PLXNA2: variants seen among roughly 807,000 people sequenced by gnomAD.
PLXNA2 encodes plexin-A2.
PLXNA2 carries 91 observed loss-of-function variants against 193.5 expected under a neutral mutation model. The observed-to-expected ratio is 0.47, with a 90% CI of 0.40 to 0.56. The LOEUF is 0.56. PLXNA2 is among the 20% of genes least tolerant of loss of function. The pLI is 0.00. For synonymous variants in PLXNA2, 997 were observed against 1,027.3 expected, an observed-to-expected ratio of 0.97 and a Z score of 0.56; for missense variants, 1,995 against 2,503.2, an observed-to-expected ratio of 0.80 and a Z score of 4.33.
intron 4 of PLXNA2, among the ~76,000 whole-genome samples, chr1:208,138,457 A>T (rs1437457328): frequency 6.6e-6 from 1 of 152,222 alleles, no homozygotes; most frequent in East Asian, 1.9e-4. Context: ...CTTGAGTAGG[A>T]GGCAACCCCA....
intron 3 of PLXNA2, among the ~76,000 whole-genome samples, chr1:208,203,312 A>G (rs1171034144): frequency 6.6e-6 from 1 of 152,062 alleles, no homozygotes; most frequent in Non-Finnish European, 1.5e-5. Context: ...CACCCCTTCC[A>G]TGCAGGCTCT....
intron 28 of PLXNA2, among the ~76,000 whole-genome samples, chr1:208,032,479 T>C (rs1664533159): frequency 6.6e-6 from 1 of 152,228 alleles, no homozygotes; most frequent in Admixed American, 6.5e-5. Context: ...ACATGGGGTC[T>C]CGTGGAATAT....
At chr1:208,114,552 AGTAG>A (rs758007446) in intron 4 of PLXNA2, among the ~76,000 whole-genome samples, 6 of 152,242 alleles carry the variant, frequency 3.9e-5, no homozygotes, top group Non-Finnish European at 8.8e-5. Flanking sequence ...TATGACTCTG[AGTAG>A]GTAAGAAGCC....
At chr1:208,199,967 T>C (rs7525987) in intron 3 of PLXNA2, among the ~76,000 whole-genome samples, 70,714 of 152,176 alleles carry the variant, frequency 0.46, 16,621 homozygotes, top group East Asian at 0.7. Context: ...TTGATCTTGC[T>C]TGATAGCGTC....
At chr1:208,039,821 G>A (rs778771815) in intron 23 of PLXNA2, 54 bp from the exon 24 acceptor site, 32 of 1,611,108 alleles carry the variant, frequency 2.0e-5, no homozygotes, top group East Asian at 8.9e-5. Flanking sequence ...AGGTTTGTAC[G>A]TTTTCCCTTT....
chr1:208,237,478 G>T (rs2102648427), intron 1 of PLXNA2, among the ~76,000 whole-genome samples: 1 of 152,270 alleles, frequency 6.6e-6, no homozygotes, highest in East Asian at 1.9e-4. Flanking sequence ...AAAATCCTTG[G>T]GAGTGTGCAC....
rs760375488 is a variant in PLXNA2, at chr1:208,042,228, C to T, written c.4156G>A (p.Val1386Met). The T allele has an allele frequency of 4.3e-6, 7 of 1,614,112 alleles. No individual in the cohort carries two copies. Among genetic ancestry groups the T allele is most frequent in the East Asian group, 2.2e-5 (1 of 44,896 alleles). ...RSFSMRDRGN[V>M]ASLIMTGLQG... is the part of the protein sequence containing the mutation. ...AGGCCGGTCATGATGAGCGAAGCCA[C>T]GTTGCCCCGGTCGCGCATGGAGAAA... The change falls in exon 22 of 32, where the codon GTG becomes ATG. Residue 1386 changes from valine to methionine, a missense_variant. Physicochemically the swap from Val to Met is conservative, Grantham distance 21 (BLOSUM62 1). Coordinates refer to ENST00000367033, the MANE Select transcript of PLXNA2 (RefSeq NM_025179.4).
In PLXNA2 at chr1:208,028,220, C is replaced by T. The variant is rs367574051; in HGVS notation, c.5439-61G>A. On this transcript the variant is annotated intron_variant, in intron 30 of 31. Transcript: ENST00000367033. This position sits in a 1 kb window ranked among gnomAD's most constrained non-coding sequence, Gnocchi z 4.2. ...TCAGCAAACATTTACCTATAGCTAC[C>T]CCGGGCCCAGGTCCTTCGAGGGCAC... 6.0e-6 allele frequency: 9 copies of T among 1,506,416 alleles called. No homozygotes were observed. The East Asian group carries it at 9.6e-5, about 16-fold the overall frequency. 93.3% of individuals were successfully genotyped at this position (1,506,416 alleles called of 1,614,324 possible).
chr1:208,044,616 C>T lies in PLXNA2; in HGVS notation c.3766G>A (p.Val1256Ile), dbSNP rs775088776. ...GACTTGCGCTTGTAGGCAATGAGGA[C>T]GATGATGACGATGATGAGGAGGAGG... is the stretch of plus-strand genomic sequence containing the variant. ...GSLLLIIVIIVLIAYKRKSRE... is the reference protein window; with the variant it reads ...GSLLLIIVIIILIAYKRKSRE... Residue 1256 changes from valine to isoleucine, a missense_variant, in exon 20 of 32, where the codon GTC (valine) becomes ATC (isoleucine). Transcript: ENST00000367033. The surrounding 1 kb of genome is among the most constrained non-coding windows in gnomAD (Gnocchi z 4.9). 5.9e-5 allele frequency: 96 copies of T among 1,613,886 alleles called. No homozygotes were observed. The Middle Eastern group carries it at 6.6e-4, about 11-fold the overall frequency.
chr1:208,078,256 C>G (rs1368090114), intron 12 of PLXNA2, among the ~76,000 whole-genome samples: 9 of 152,132 alleles, frequency 5.9e-5, no homozygotes, highest in Non-Finnish European at 1.0e-4. Flanking sequence ...TTCAAATAAC[C>G]TATCTGTAGG....
Position 208,214,100 on chromosome 1 carries a change from G to A in PLXNA2, c.1188+2635C>T, listed in dbSNP as rs73079949. On this transcript the variant is annotated intron_variant, in intron 2 of 31. Coordinates refer to ENST00000367033, the MANE Select transcript of PLXNA2 (RefSeq NM_025179.4). ...CTCTCCACCTCTCCACATTGGTTAC[G>A]GCCAGTGGCCATAAAATTTTGGCGT... Among the ~76,000 whole-genome samples the A allele has an allele frequency of 9.2e-5, 14 of 151,706 alleles. No individual in the cohort carries two copies. In the East Asian group the frequency reaches 1.8e-3, roughly 19 times the overall value.
chr1:208,195,611 C>G (rs1670331147), intron 3 of PLXNA2, among the ~76,000 whole-genome samples: 1 of 133,724 alleles, frequency 7.5e-6, no homozygotes, highest in Admixed American at 8.6e-5. Context: ...TTCTGTGAAG[C>G]TTTTTCCAGA....
intron 4 of PLXNA2, among the ~76,000 whole-genome samples, chr1:208,110,229 C>G (rs990546981): frequency 6.6e-6 from 1 of 152,244 alleles, no homozygotes; most frequent in East Asian, 1.9e-4. Flanking sequence ...ACTCCATCCC[C>G]TTTGGCTCAG....
At chr1:208,178,728 T>C (rs774358610) in intron 3 of PLXNA2, among the ~76,000 whole-genome samples, 2 of 152,174 alleles carry the variant, frequency 1.3e-5, no homozygotes, top group Non-Finnish European at 2.9e-5. Context: ...AACTCACCCT[T>C]AGGGGAGTGG....
intron 3 of PLXNA2, among the ~76,000 whole-genome samples, chr1:208,145,461 C>T (rs946203478): frequency 6.6e-6 from 1 of 152,240 alleles, no homozygotes; most frequent in African/African-American, 2.4e-5. Flanking sequence ...TGTTTTCATG[C>T]TAATGGCACT....
chr1:208,088,852 A>C (rs1666621985), intron 9 of PLXNA2, among the ~76,000 whole-genome samples: 1 of 152,186 alleles, frequency 6.6e-6, no homozygotes, highest in Non-Finnish European at 1.5e-5. Flanking sequence ...TGTGCGTGTG[A>C]GTGTGACTGC....
intron 17 of PLXNA2, among the ~76,000 whole-genome samples, chr1:208,048,017 CA>C (rs1490807867): frequency 6.6e-6 from 1 of 152,096 alleles, no homozygotes; most frequent in Admixed American, 6.5e-5. Flanking sequence ...ACAGCTGAGC[CA>C]GGGGGTCCCA....
chr1:208,171,944 A>G (rs1436556267), intron 3 of PLXNA2, among the ~76,000 whole-genome samples: 1 of 151,520 alleles, frequency 6.6e-6, no homozygotes, highest in Non-Finnish European at 1.5e-5. Context: ...CATATGATGC[A>G]TAGTGCCTGG....
At chr1:208,114,751 C>G (rs1667586387) in intron 4 of PLXNA2, among the ~76,000 whole-genome samples, 1 of 152,164 alleles carries the variant, frequency 6.6e-6, no homozygotes. Flanking sequence ...GTGACTGGTT[C>G]CCTTGGGCAG....
Sources: allele counts gnomAD v4.1 joint callset (sites outside exome capture counted in the v4.1 genomes callset), GRCh38; gene constraint gnomAD v4.1.1; non-coding constraint Gnocchi (gnomAD v3.1); transcripts MANE v1.5; gene names NCBI Gene and HGNC (gene_info 2026-07-23, HGNC 2026-07-21).